Variants in SPATA16 observed in about 807,000 individuals in gnomAD.
SPATA16 encodes the protein spermatogenesis-associated protein 16.
SPATA16 carries 36 observed loss-of-function variants against 63.3 expected under a neutral mutation model. That is an observed-to-expected ratio of 0.57 (90% CI 0.44 to 0.75). The LOEUF is 0.75. Among genes scored for constraint, SPATA16 ranks in the 30% least tolerant of loss-of-function variants. SPATA16 has a pLI of 0.00. For missense variants in SPATA16, 646 were observed against 679.3 expected (o/e 0.95, Z 0.54); for synonymous variants, 203 against 216.7 (o/e 0.94, Z 0.56).
intron 1 of SPATA16, among the ~76,000 whole-genome samples, chr3:173,128,172 C>T (rs1463915373): frequency 6.6e-6 from 1 of 152,102 alleles, no homozygotes; most frequent in East Asian, 1.9e-4. Context: ...GGCTCTGGTT[C>T]CAGGCTCCAT....
chr3:173,043,534 G>T (rs112224189), intron 3 of SPATA16, among the ~76,000 whole-genome samples: 5 of 151,758 alleles, frequency 3.3e-5, no homozygotes, highest in Non-Finnish European at 7.4e-5. Context: ...ATCATTTTCT[G>T]TTTAAACATT....
intron 4 of SPATA16, among the ~76,000 whole-genome samples, chr3:173,017,951 T>C (rs947318471): frequency 1.2e-4 from 18 of 152,182 alleles, no homozygotes; most frequent in African/African-American, 4.3e-4. Context: ...AGGAAACATG[T>C]GTGGTCAGAA....
At chr3:173,023,274 A>C (rs1031625917) in intron 3 of SPATA16, among the ~76,000 whole-genome samples, 1 of 151,536 alleles carries the variant, frequency 6.6e-6, no homozygotes, top group Non-Finnish European at 1.5e-5. Context: ...TAAATAATCC[A>C]TCCTTCTCTC....
chr3:172,947,149 C>A (rs1733310239), intron 6 of SPATA16, among the ~76,000 whole-genome samples: 1 of 152,100 alleles, frequency 6.6e-6, no homozygotes, highest in Admixed American at 6.6e-5. Context: ...CTTTAGGTGC[C>A]CCCTAATGCA....
chr3:173,064,756 A>G (rs1047853202), intron 2 of SPATA16, among the ~76,000 whole-genome samples: 1 of 152,224 alleles, frequency 6.6e-6, no homozygotes, highest in Admixed American at 6.5e-5. Context: ...TTTCAGATCC[A>G]TTAACATCCC....
At chr3:173,088,175 C>A (rs111817428) in intron 2 of SPATA16, among the ~76,000 whole-genome samples, 3,913 of 149,732 alleles carry the variant, frequency 0.026, 194 homozygotes, top group African/African-American at 0.091. Flanking sequence ...ACCTCCGCCT[C>A]CCAGGTTCAA....
chr3:173,096,237 C>T (rs1265549607), intron 2 of SPATA16, among the ~76,000 whole-genome samples: 2 of 152,016 alleles, frequency 1.3e-5, no homozygotes, highest in Admixed American at 6.6e-5. Context: ...GGATGGTAAT[C>T]GGGTTCTAAT....
chr3:173,031,449 A>G (rs114506191), intron 3 of SPATA16, among the ~76,000 whole-genome samples: 14 of 152,158 alleles, frequency 9.2e-5, no homozygotes, highest in Middle Eastern at 3.4e-3. Context: ...GTTCAACTCA[A>G]GTATTTCTTG....
At chr3:173,083,982 A>G (rs1215636276) in intron 2 of SPATA16, among the ~76,000 whole-genome samples, 2 of 152,188 alleles carry the variant, frequency 1.3e-5, no homozygotes, top group Non-Finnish European at 2.9e-5. Context: ...ATCAACCTAA[A>G]TATGCATGCA....
At chr3:172,910,006 C>T (rs990188285) in intron 10 of SPATA16, among the ~76,000 whole-genome samples, 5 of 151,246 alleles carry the variant, frequency 3.3e-5, no homozygotes, top group East Asian at 1.9e-4. Context: ...GTTCTGTTAC[C>T]GTTTGGATTT....
chr3:173,015,857 ATGGGG>A (rs1224062148), intron 4 of SPATA16, among the ~76,000 whole-genome samples: 1 of 89,624 alleles, frequency 1.1e-5, no homozygotes, highest in Non-Finnish European at 2.2e-5. Flanking sequence ...GTAGTCCCAA[ATGGGG>A]TGTGTGTGTG....
At chr3:172,998,862 T>C (rs1474204080) in intron 4 of SPATA16, among the ~76,000 whole-genome samples, 3 of 152,338 alleles carry the variant, frequency 2.0e-5, no homozygotes, top group Non-Finnish European at 4.4e-5. Context: ...TATTTTCAAA[T>C]ATTGAATTAT....
chr3:173,057,064 C>T (rs1736250963), intron 2 of SPATA16, among the ~76,000 whole-genome samples: 1 of 151,096 alleles, frequency 6.6e-6, no homozygotes, highest in Non-Finnish European at 1.5e-5. Context: ...TCGGTTACAT[C>T]TCTGATTATT....
intron 6 of SPATA16, among the ~76,000 whole-genome samples, chr3:172,950,977 A>G (rs1733417569): frequency 6.6e-6 from 1 of 152,136 alleles, no homozygotes; most frequent in African/African-American, 2.4e-5. Context: ...TTACTTTATT[A>G]TTATTAAAAT....
intron 4 of SPATA16, among the ~76,000 whole-genome samples, chr3:172,990,809 AG>A (rs1461862614): frequency 1.3e-5 from 2 of 152,172 alleles, no homozygotes; most frequent in Admixed American, 1.3e-4. Context: ...CTCATGAAGA[AG>A]CAGGTCTAGG....
chr3:173,046,295 T>A (rs1370877332), intron 3 of SPATA16, among the ~76,000 whole-genome samples: 1 of 152,016 alleles, frequency 6.6e-6, no homozygotes, highest in Non-Finnish European at 1.5e-5. Context: ...ACTTCGGATA[T>A]GTTATGAATA....
At chr3:172,921,560 G>GAAA (rs10682331) in intron 8 of SPATA16, among the ~76,000 whole-genome samples, 5 of 149,276 alleles carry the variant, frequency 3.3e-5, no homozygotes, top group Non-Finnish European at 5.9e-5. Context: ...GTAAGCTAAG[G>GAAA]AAAAAAAAAA....
intron 4 of SPATA16, among the ~76,000 whole-genome samples, chr3:173,001,495 T>C (rs1045491635): frequency 6.6e-6 from 1 of 152,164 alleles, no homozygotes; most frequent in Non-Finnish European, 1.5e-5. Context: ...GGGTTTTTAT[T>C]CTGATCTTTA....
At chr3:173,094,023 T>C in intron 2 of SPATA16, among the ~76,000 whole-genome samples, 1 of 150,926 alleles carries the variant, frequency 6.6e-6, no homozygotes, top group East Asian at 1.9e-4. Flanking sequence ...CTCTGTTCCT[T>C]CTCTATTCAA....
Sources: allele counts gnomAD v4.1 joint callset (sites outside exome capture counted in the v4.1 genomes callset), GRCh38; gene constraint gnomAD v4.1.1; transcripts MANE v1.5; gene names NCBI Gene and HGNC (gene_info 2026-07-23, HGNC 2026-07-21).